The following SDK1 variants were observed in gnomAD, a reference collection of about 807,000 sequenced individuals.
The protein encoded by SDK1 is sidekick cell adhesion molecule 1.
Under a neutral mutation model 245.5 loss-of-function variants are expected in SDK1, and 157 were observed. The ratio of observed to expected loss-of-function variants is 0.64; its 90% CI spans 0.56 to 0.73. The LOEUF (loss-of-function observed/expected upper bound fraction) is 0.73, where lower values mean the gene tolerates loss of function less well. Ranked by LOEUF, SDK1 falls within the 30% of genes least tolerant of loss-of-function variation. SDK1 has a pLI of 0.00. For synonymous variants in SDK1, 1,647 were observed against 1,278.5 expected, an observed-to-expected ratio of 1.29 and a Z score of -6.15; for missense variants, 3,583 against 3,002.3, an observed-to-expected ratio of 1.19 and a Z score of -4.52.
chr7:3,353,822 C>T (rs1190850977), intron 1 of SDK1, among the ~76,000 whole-genome samples: 1 of 151,818 alleles, frequency 6.6e-6, no homozygotes, highest in East Asian at 1.9e-4. Context: ...AAAGCAGCCT[C>T]CCATGTTTGA....
intron 1 of SDK1, among the ~76,000 whole-genome samples, chr7:3,415,172 T>G (rs1779325855): frequency 6.6e-6 from 1 of 152,184 alleles, no homozygotes; most frequent in African/African-American, 2.4e-5. Flanking sequence ...TCACAGTAGC[T>G]ATGAAAGGAA....
At chr7:4,215,197 G>A (rs1158657395) in intron 38 of SDK1, among the ~76,000 whole-genome samples, 1 of 152,258 alleles carries the variant, frequency 6.6e-6, no homozygotes, top group Admixed American at 6.5e-5. Context: ...AGAGAGGATG[G>A]CAGATCAGAC....
intron 5 of SDK1, among the ~76,000 whole-genome samples, chr7:3,880,163 C>G (rs780673223): frequency 6.6e-6 from 1 of 152,244 alleles, no homozygotes. Flanking sequence ...GCTCGCCGCA[C>G]TCCTCAGGGA....
chr7:3,818,362 C>T (rs79234115), intron 4 of SDK1, among the ~76,000 whole-genome samples: 2,656 of 152,282 alleles, frequency 0.017, 30 homozygotes, highest in Non-Finnish European at 0.027. Flanking sequence ...ACCATAATTA[C>T]TCAGCATGCC....
intron 4 of SDK1, among the ~76,000 whole-genome samples, chr7:3,747,526 C>T (rs1779659166): frequency 6.6e-6 from 1 of 152,082 alleles, no homozygotes; most frequent in Non-Finnish European, 1.5e-5. Flanking sequence ...CTGTCGTGGG[C>T]CTTGTCTATG....
chr7:3,353,450 A>G (rs769266810), intron 1 of SDK1, among the ~76,000 whole-genome samples: 67 of 152,208 alleles, frequency 4.4e-4, no homozygotes, highest in Non-Finnish European at 9.3e-4. Context: ...AAAAAATTCA[A>G]ATGAGCTGAG....
intron 5 of SDK1, among the ~76,000 whole-genome samples, chr7:3,937,416 C>A (rs545653781): frequency 6.6e-6 from 1 of 152,152 alleles, no homozygotes. Context: ...AAAGGCCATG[C>A]GGCAGAACCA....
chr7:3,507,136 A>C (rs1420262455), intron 1 of SDK1, among the ~76,000 whole-genome samples: 1 of 152,148 alleles, frequency 6.6e-6, no homozygotes, highest in Admixed American at 6.6e-5. Context: ...TGAATGCCCT[A>C]GGTGTTTACT....
intron 41 of SDK1, among the ~76,000 whole-genome samples, chr7:4,234,727 C>G (rs1340905495): frequency 1.3e-5 from 2 of 152,196 alleles, no homozygotes; most frequent in African/African-American, 4.8e-5. Context: ...TTCCGTGGCT[C>G]CAGGCGTGAC....
chr7:3,659,102 C>T (rs1014873682), intron 4 of SDK1, among the ~76,000 whole-genome samples: 2 of 152,282 alleles, frequency 1.3e-5, no homozygotes, highest in South Asian at 4.2e-4. Context: ...ATAGCCTTTA[C>T]CCAGTTGTCT....
At chr7:3,873,482 T>A in intron 5 of SDK1, among the ~76,000 whole-genome samples, 1 of 152,162 alleles carries the variant, frequency 6.6e-6, no homozygotes, top group Non-Finnish European at 1.5e-5. Context: ...TGATTTGGTG[T>A]CTGTCACTAA....
intron 4 of SDK1, among the ~76,000 whole-genome samples, chr7:3,764,359 A>G (rs1275523217): frequency 1.3e-5 from 2 of 152,104 alleles, no homozygotes; most frequent in Admixed American, 6.5e-5. Flanking sequence ...TCATGGCCCT[A>G]TTATTCTCCT....
chr7:3,955,896 A>C (rs1359853522), intron 7 of SDK1, among the ~76,000 whole-genome samples: 1 of 151,896 alleles, frequency 6.6e-6, no homozygotes, highest in Non-Finnish European at 1.5e-5. Context: ...AGGTCTCCCC[A>C]CCTCCTCTCC....
chr7:3,426,616 G>A (rs17133324), intron 1 of SDK1, among the ~76,000 whole-genome samples: 18,256 of 152,166 alleles, frequency 0.12, 1,500 homozygotes, highest in African/African-American at 0.22. Context: ...AGTCACCTGT[G>A]GCCATTATCA....
chr7:3,748,946 A>C (rs912833801), intron 4 of SDK1, among the ~76,000 whole-genome samples: 1 of 152,166 alleles, frequency 6.6e-6, no homozygotes, highest in Non-Finnish European at 1.5e-5. Flanking sequence ...ATAACATTCT[A>C]GTTTGTGGTA....
intron 1 of SDK1, among the ~76,000 whole-genome samples, chr7:3,614,142 A>G (rs1232929691): frequency 6.6e-6 from 1 of 152,172 alleles, no homozygotes; most frequent in East Asian, 1.9e-4. Context: ...AAAAATTATG[A>G]TGTTGTCTTG....
At chr7:4,226,579 C>G (rs1293391998) in intron 40 of SDK1, among the ~76,000 whole-genome samples, 1 of 152,190 alleles carries the variant, frequency 6.6e-6, no homozygotes, top group Non-Finnish European at 1.5e-5. Flanking sequence ...GAACACAGAT[C>G]CCCTCTTATT....
chr7:3,557,748 A>G (rs1779633196), intron 1 of SDK1, among the ~76,000 whole-genome samples: 1 of 152,168 alleles, frequency 6.6e-6, no homozygotes. Context: ...ATCTGTTATT[A>G]TCTCAGTTAA....
At chr7:3,971,384 A>G in intron 11 of SDK1, 82 bp from the exon 12 acceptor site, 2 of 888,872 alleles carry the variant, frequency 2.3e-6, no homozygotes, top group Non-Finnish European at 3.7e-6. Flanking sequence ...GTGATGTCAG[A>G]TGACCAGGGC....
Sources: gnomAD v4.1 joint callset for allele counts (sites outside exome capture counted in the v4.1 genomes callset) on GRCh38, gnomAD v4.1.1 for gene constraint, MANE v1.5 for transcripts, NCBI Gene and HGNC (gene_info 2026-07-23, HGNC 2026-07-21) for gene names.